IL1RAPL2: variants seen among roughly 807,000 people sequenced by gnomAD.
The protein encoded by IL1RAPL2 is X-linked interleukin-1 receptor accessory protein-like 2.
IL1RAPL2 carries 3 observed loss-of-function variants against 44.1 expected under a neutral mutation model. The ratio of observed to expected loss-of-function variants is 0.07; its 90% CI spans 0.03 to 0.18. The LOEUF is 0.18. IL1RAPL2 is among the 10% of genes least tolerant of loss of function. IL1RAPL2 has a pLI of 1.00. For synonymous variants in IL1RAPL2, 181 were observed against 178.8 expected (o/e 1.01, Z -0.10); for missense variants, 391 against 496.4 (o/e 0.79, Z 2.02).
chrX:104,904,722 T>A (rs1441063715), intron 2 of IL1RAPL2, among the ~76,000 whole-genome samples: 7 of 109,920 alleles, frequency 6.4e-5, no homozygotes, highest in South Asian at 4.1e-4. Context: ...TTTGGGTTGG[T>A]TCCAAGTCTT....
intron 2 of IL1RAPL2, among the ~76,000 whole-genome samples, chrX:104,915,606 C>T (rs1351801694): frequency 1.8e-5 from 2 of 109,401 alleles, no homozygotes; most frequent in South Asian, 3.9e-4. Flanking sequence ...GCTTTTGTTG[C>T]CATTGCTTTT....
chrX:105,077,206 G>GCA (rs2032321019), intron 2 of IL1RAPL2, among the ~76,000 whole-genome samples: 1 of 111,431 alleles, frequency 9.0e-6, no homozygotes, highest in Admixed American at 9.6e-5. Flanking sequence ...CATGTTTATT[G>GCA]CTTCCTTCAG....
intron 1 of IL1RAPL2, chrX:104,647,277 C>T (rs1930059444): frequency 2.5e-6 from 1 of 406,466 alleles, no homozygotes; most frequent in South Asian, 2.8e-5. Context: ...TCTGCAGCTT[C>T]CAGCACGCTC....
intron 5 of IL1RAPL2, among the ~76,000 whole-genome samples, chrX:105,328,570 C>T (rs1603067994): frequency 9.0e-6 from 1 of 111,519 alleles, no homozygotes; most frequent in African/African-American, 3.3e-5. Context: ...TTTCTATCTG[C>T]TTGCTTCATT....
intron 2 of IL1RAPL2, among the ~76,000 whole-genome samples, chrX:105,045,766 C>T (rs1378746238): frequency 9.0e-6 from 1 of 110,804 alleles, no homozygotes; most frequent in Non-Finnish European, 1.9e-5. Context: ...TCTTGCTATG[C>T]TGCCCAGGCT....
intron 2 of IL1RAPL2, among the ~76,000 whole-genome samples, chrX:104,904,702 T>A (rs1304855055): frequency 9.1e-6 from 1 of 110,126 alleles, no homozygotes; most frequent in Non-Finnish European, 1.9e-5. Context: ...CAGTCTATCA[T>A]TGTTGGACAT....
chrX:104,745,344 A>G (rs1932158189), intron 2 of IL1RAPL2, among the ~76,000 whole-genome samples: 1 of 112,223 alleles, frequency 8.9e-6, no homozygotes, highest in African/African-American at 3.2e-5. Flanking sequence ...GCCTGCAGGG[A>G]GCCCCTGCTG....
At chrX:105,501,686 C>T (rs1431822183) in intron 6 of IL1RAPL2, among the ~76,000 whole-genome samples, 1 of 111,623 alleles carries the variant, frequency 9.0e-6, no homozygotes, top group African/African-American at 3.3e-5. Flanking sequence ...AAGGAAACTC[C>T]AGCCAATATA....
chrX:105,669,218 T>C (rs1049454416), intron 6 of IL1RAPL2, among the ~76,000 whole-genome samples: 11 of 111,690 alleles, frequency 9.8e-5, no homozygotes, highest in Non-Finnish European at 3.8e-5. Context: ...GGTGGGTGTT[T>C]CTTAACCTTG....
chrX:104,931,825 G>A (rs1230506366), intron 2 of IL1RAPL2, among the ~76,000 whole-genome samples: 1 of 109,369 alleles, frequency 9.1e-6, no homozygotes, highest in Non-Finnish European at 1.9e-5. Flanking sequence ...ATTAAAATAA[G>A]GATCAAGAAG....
chrX:104,876,650 T>C (rs1196965823), intron 2 of IL1RAPL2, among the ~76,000 whole-genome samples: 2 of 83,372 alleles, frequency 2.4e-5, no homozygotes, highest in Non-Finnish European at 4.6e-5. Flanking sequence ...TATATAGCTT[T>C]CTTTTTTTTT....
intron 2 of IL1RAPL2, among the ~76,000 whole-genome samples, chrX:104,824,920 A>C (rs1196619441): frequency 9.0e-6 from 1 of 111,106 alleles, no homozygotes; most frequent in African/African-American, 3.3e-5. Flanking sequence ...CTTTTTTTCA[A>C]ATCACACTAT....
chrX:104,594,233 T>G (rs1216099202), intron 1 of IL1RAPL2, among the ~76,000 whole-genome samples: 1 of 112,337 alleles, frequency 8.9e-6, no homozygotes, highest in Non-Finnish European at 1.9e-5. Flanking sequence ...CAAGCAATAA[T>G]TTTGGTTTGA....
chrX:105,555,804 G>A (rs370302343), intron 6 of IL1RAPL2, among the ~76,000 whole-genome samples: 4 of 111,978 alleles, frequency 3.6e-5, no homozygotes, highest in South Asian at 7.5e-4. Context: ...TCATCACTGG[G>A]CAACTAAACA....
At chrX:105,307,489 TTTATA>T (rs1235458411) in intron 5 of IL1RAPL2, among the ~76,000 whole-genome samples, 1 of 61,445 alleles carries the variant, frequency 1.6e-5, no homozygotes, top group Non-Finnish European at 2.6e-5. Context: ...ATATATATAT[TTTATA>T]TTATATATAT....
intron 2 of IL1RAPL2, among the ~76,000 whole-genome samples, chrX:104,946,417 A>G (rs79500006): frequency 1.3e-5 from 1 of 77,924 alleles, no homozygotes; most frequent in Non-Finnish European, 2.4e-5. Flanking sequence ...AAACTTTTTA[A>G]AAAAATTATT....
At chrX:104,975,878 C>A in intron 2 of IL1RAPL2, among the ~76,000 whole-genome samples, 1 of 110,783 alleles carries the variant, frequency 9.0e-6, no homozygotes, top group South Asian at 3.9e-4. Flanking sequence ...GGTAGGACTC[C>A]TCTCAGAATT....
rs1029229251 is a variant in IL1RAPL2, at chrX:105,065,889, A to G, written c.83-129586A>G. Among the ~76,000 whole-genome samples the G allele has an allele frequency of 2.7e-5, 3 of 111,455 alleles. No individual in the cohort carries two copies. In the Admixed American group the frequency reaches 2.9e-4, roughly 11 times the overall value. On this transcript the variant is annotated intron_variant, in intron 2 of 10. Transcript: ENST00000372582. ...GATGATTCTTTTTAGGTTTATCTGTATGTTTATCTCTCTCCCTTCCCCTAC... is the reference window on the plus strand; with the variant it reads ...GATGATTCTTTTTAGGTTTATCTGTGTGTTTATCTCTCTCCCTTCCCCTAC...
chrX:104,761,801 C>T (rs1932432707), intron 2 of IL1RAPL2, among the ~76,000 whole-genome samples: 1 of 101,897 alleles, frequency 9.8e-6, no homozygotes, highest in African/African-American at 3.8e-5. Context: ...GCAGTCAAAT[C>T]ATCTCCTTCT....
Sources: allele counts gnomAD v4.1 joint callset (sites outside exome capture counted in the v4.1 genomes callset), GRCh38; gene constraint gnomAD v4.1.1; transcripts MANE v1.5; gene names NCBI Gene and HGNC (gene_info 2026-07-23, HGNC 2026-07-21).